CECR2: variants seen among roughly 807,000 people sequenced by gnomAD.
CECR2 encodes CECR2 histone acetyl-lysine reader, also known as chromatin remodeling regulator CECR2.
A neutral mutation model predicts 154.5 loss-of-function variants in CECR2; 30 were observed. The ratio of observed to expected loss-of-function variants is 0.19; its 90% CI spans 0.15 to 0.26. The LOEUF (loss-of-function observed/expected upper bound fraction) is 0.26, where lower values mean the gene tolerates loss of function less well. CECR2 is among the 10% of genes least tolerant of loss of function. The pLI is 1.00. For missense variants in CECR2, 1,743 were observed against 1,829.3 expected (o/e 0.95, Z 0.86); for synonymous variants, 725 against 683.7 (o/e 1.06, Z -0.94).
At chr22:17,531,480 G>A (rs1274134820) in intron 9 of CECR2, among the ~76,000 whole-genome samples, 1 of 152,194 alleles carries the variant, frequency 6.6e-6, no homozygotes, top group Non-Finnish European at 1.5e-5. Context: ...GGAGTTGTAT[G>A]TGCAGGATCC....
chr22:17,511,916 G>A lies in CECR2; in HGVS notation c.954+20G>A. The A allele has an allele frequency of 6.4e-7, 1 of 1,561,660 alleles. No individual in the cohort carries two copies. Among genetic ancestry groups the A allele is most frequent in the South Asian group, 1.2e-5 (1 of 86,080 alleles). ...CAAGAGGTGAGTGTGGGTGAGAGTA[G>A]CGAGGAGGAGCTTTCCTGATGAAAG... On this transcript the variant is annotated intron_variant, in intron 8 of 18. Coordinates refer to ENST00000262608, the MANE Select transcript of CECR2 (RefSeq NM_001290047.2).
At chr22:17,520,630 T>C (rs912634771) in intron 8 of CECR2, among the ~76,000 whole-genome samples, 3 of 151,772 alleles carry the variant, frequency 2.0e-5, no homozygotes, top group Non-Finnish European at 4.4e-5. Flanking sequence ...TGTGCCCAAG[T>C]GTTCTCATTG....
At chr22:17,452,032 G>T (rs1458453312) in intron 1 of CECR2, among the ~76,000 whole-genome samples, 1 of 152,126 alleles carries the variant, frequency 6.6e-6, no homozygotes, top group African/African-American at 2.4e-5. Flanking sequence ...ACGTCAGATC[G>T]CTTAGGACCT....
chr22:17,525,797 T>C (rs951100286), intron 9 of CECR2, among the ~76,000 whole-genome samples: 1 of 152,180 alleles, frequency 6.6e-6, no homozygotes, highest in Admixed American at 6.5e-5. Context: ...TTTAATAGGG[T>C]CCTTATTGGG....
At position 17,548,260 on chromosome 22, in the gene CECR2, G is replaced by GCAC. The variant is rs760490231; in HGVS notation, c.2975_2976insCCA (p.Arg991_Gln992insHis). 1.9e-6 allele frequency: 3 copies of GCAC among 1,604,864 alleles called. No individual in the cohort carries two copies. In the Admixed American group the frequency reaches 5.1e-5, roughly 27 times the overall value. The stretch of plus-strand genomic sequence containing the variant: ...CTCCCCTGCAGACTGACTGCACCAG[G>GCAC]CAGAGCTCACCACAAGAAAGGGAAA... On this transcript the variant is annotated inframe_insertion, in exon 17 of 19. Transcript: ENST00000262608.
chr22:17,427,743 G>T (rs1005492501), intron 1 of CECR2, among the ~76,000 whole-genome samples: 11 of 152,052 alleles, frequency 7.2e-5, no homozygotes, highest in African/African-American at 2.7e-4. Context: ...ATTTGGCCCT[G>T]CCCATGTCAT....
chr22:17,421,398 G>C (rs1004154258), intron 1 of CECR2, among the ~76,000 whole-genome samples: 2 of 151,926 alleles, frequency 1.3e-5, no homozygotes, highest in African/African-American at 4.8e-5. Flanking sequence ...GGCGGATCAC[G>C]AGGTCAGGAG....
At chr22:17,538,493 A>G in intron 10 of CECR2, 27 bp from the exon 11 acceptor site, 1 of 1,608,092 alleles carries the variant, frequency 6.2e-7, no homozygotes, top group South Asian at 1.1e-5. Context: ...CAGAGTTACT[A>G]TTAATTTCTT....
chr22:17,413,574 A>G (rs1044800769), intron 1 of CECR2, among the ~76,000 whole-genome samples: 10 of 152,132 alleles, frequency 6.6e-5, no homozygotes, highest in African/African-American at 2.4e-4. Flanking sequence ...AGTATTCAGT[A>G]TGACATTTTG....
chr22:17,418,935 C>A, intron 1 of CECR2: 1 of 202,576 alleles, frequency 4.9e-6, no homozygotes, highest in South Asian at 6.7e-5. Flanking sequence ...CTGGTGGAGC[C>A]AGCGAGAGGC....
intron 1 of CECR2, among the ~76,000 whole-genome samples, chr22:17,449,735 C>T (rs577287854): frequency 5.9e-5 from 9 of 151,890 alleles, no homozygotes; most frequent in East Asian, 1.9e-4. Flanking sequence ...GTGATCTGCC[C>T]GCCTCGGCCT....
intron 1 of CECR2, among the ~76,000 whole-genome samples, chr22:17,447,881 TTTTG>T (rs1017885031): frequency 4.6e-5 from 7 of 151,700 alleles, no homozygotes; most frequent in South Asian, 2.1e-4. Context: ...AGTGTTTTTT[TTTTG>T]TTTGTTTGTT....
In CECR2 at chr22:17,433,699, G is replaced by A. The variant is rs763536583; in HGVS notation, c.127-43889G>A. On this transcript the variant is annotated intron_variant, in intron 1 of 18. Transcript: ENST00000262608. ...GGAACTCAAGCGATCCACCCACCTC[G>A]CCCTCCCAAAGTACTGGAATTACAG... is the stretch of plus-strand genomic sequence containing the variant. Among the ~76,000 whole-genome samples the A allele has an allele frequency of 5.9e-5, 9 of 152,194 alleles. 1 individual carries two copies. Among genetic ancestry groups the A allele is most frequent in the South Asian group, 2.1e-4 (1 of 4,834 alleles).
intron 1 of CECR2, among the ~76,000 whole-genome samples, chr22:17,442,558 G>T (rs2146670811): frequency 6.6e-6 from 1 of 152,110 alleles, no homozygotes; most frequent in Non-Finnish European, 1.5e-5. Context: ...TGTTTGTTTT[G>T]TGTTTTTTGA....
chr22:17,438,562 A>G (rs1240475420), intron 1 of CECR2, among the ~76,000 whole-genome samples: 1 of 152,204 alleles, frequency 6.6e-6, no homozygotes, highest in Non-Finnish European at 1.5e-5. Flanking sequence ...CCTGCAGCCC[A>G]GGACGGCTTT....
chr22:17,393,651 A>G (rs1569052346), intron 1 of CECR2, among the ~76,000 whole-genome samples: 1 of 152,178 alleles, frequency 6.6e-6, no homozygotes, highest in Non-Finnish European at 1.5e-5. Flanking sequence ...CAGTTTCTCC[A>G]CATCCTTGCC....
intron 9 of CECR2, among the ~76,000 whole-genome samples, chr22:17,527,377 G>C (rs2056282504): frequency 6.6e-6 from 1 of 152,152 alleles, no homozygotes; most frequent in Admixed American, 6.5e-5. Flanking sequence ...CAGATAGCTT[G>C]AGCCTGGGAG....
rs190455097 is a variant in CECR2 at position 17,399,663 on chromosome 22, C to T, written c.126+29754C>T. The stretch of plus-strand genomic sequence containing the variant: ...GATCTCATGATCTGCCTGCCTTGGC[C>T]TCCCAAAGTGCTGGGATTACAGGCG... On this transcript the variant is annotated intron_variant, in intron 1 of 18. Coordinates refer to ENST00000262608, the MANE Select transcript of CECR2 (RefSeq NM_001290047.2). 2.1e-3 allele frequency among the ~76,000 whole-genome samples: 323 copies of T among 152,204 alleles called. 5 individuals carry two copies. The highest frequency in any genetic ancestry group is 5.6e-4 in the Non-Finnish European group (38 of 68,018).
intron 8 of CECR2, chr22:17,518,638 G>A: frequency 2.3e-6 from 1 of 442,410 alleles, no homozygotes. Context: ...GGCACTCCAT[G>A]CACACAGATT....
Sources: gnomAD v4.1 joint callset for allele counts (sites outside exome capture counted in the v4.1 genomes callset) on GRCh38, gnomAD v4.1.1 for gene constraint, MANE v1.5 for transcripts, NCBI Gene and HGNC (gene_info 2026-07-23, HGNC 2026-07-21) for gene names.